Variants in DBF4B observed in about 807,000 individuals in gnomAD.
DBF4B encodes the protein DBF4B-CDC7 kinase regulatory subunit, also known as protein DBF4 homolog B.
Under a neutral mutation model 53.4 loss-of-function variants are expected in DBF4B, and 49 were observed. That is an observed-to-expected ratio of 0.92 (90% CI 0.73 to 1.16). The LOEUF is 1.16. Among genes scored for constraint, DBF4B ranks in the 50% most tolerant of loss-of-function variants. The pLI, the probability that DBF4B is intolerant of heterozygous loss-of-function variation, is 0.00. For synonymous variants in DBF4B, 257 were observed against 288.7 expected, an observed-to-expected ratio of 0.89 and a Z score of 1.11; for missense variants, 692 against 775.0, an observed-to-expected ratio of 0.89 and a Z score of 1.27.
Position 44,751,414 on chromosome 17 carries a change from G to A in DBF4B, c.*161G>A. On this transcript the variant is annotated 3_prime_UTR_variant, in exon 14 of 14. Coordinates refer to ENST00000315005, the MANE Select transcript of DBF4B (RefSeq NM_145663.3). ...CAGATGACTTTTACCCAGACCCAGT[G>A]GGCATTGCCTTATCTTGCAGTCAGT... 3 of 1,430,406 alleles carry A rather than the reference G, an allele frequency of 2.1e-6. No individual in the cohort carries two copies. The highest frequency in any genetic ancestry group is 9.1e-7 in the Non-Finnish European group (1 of 1,097,954). 88.6% of individuals were successfully genotyped at this position (1,430,406 alleles called of 1,614,324 possible).
intron 2 of DBF4B, among the ~76,000 whole-genome samples, chr17:44,711,816 G>A (rs1242336445): frequency 6.6e-6 from 1 of 151,594 alleles, no homozygotes; most frequent in African/African-American, 2.4e-5. Flanking sequence ...GGCACCTGTA[G>A]TCCCAGCTAC....
rs866444862 is a variant in DBF4B at position 44,751,321 on chromosome 17, C to T, written c.*68C>T. The stretch of plus-strand genomic sequence containing the variant: ...GTGCTGCTTGATGTGAATGAGGTCC[C>T]GCAGTGGCTCCTTGGCGTGAGCACT... On this transcript the variant is annotated 3_prime_UTR_variant, in exon 14 of 14. Transcript: ENST00000315005. 1.8e-5 allele frequency: 28 copies of T among 1,538,358 alleles called. No individual in the cohort carries two copies. In the Middle Eastern group the frequency reaches 1.4e-3, roughly 79 times the overall value.
At chr17:44,720,423 C>A (rs1353412820) in intron 2 of DBF4B, 2 of 231,718 alleles carry the variant, frequency 8.6e-6, no homozygotes, top group South Asian at 7.1e-5. Flanking sequence ...CATAGCAGAT[C>A]GGGAATATCT....
At chr17:44,732,865 CA>C (rs750138148) in intron 6 of DBF4B, 340 of 127,686 alleles carry the variant, frequency 2.7e-3, no homozygotes, top group Middle Eastern at 4.3e-3. Flanking sequence ...GACTCCGTCT[CA>C]AAAAAAAAAA....
chr17:44,725,684 C>CTTTTTTTTTTCTTTT (rs1974256924), intron 3 of DBF4B, among the ~76,000 whole-genome samples: 1 of 87,662 alleles, frequency 1.1e-5, no homozygotes, highest in Non-Finnish European at 2.3e-5. Flanking sequence ...TTTTGTGCTT[C>CTTTTTTTTTTCTTTT]TTTTTTTTTT....
chr17:44,721,828 G>T (rs1973874495), intron 2 of DBF4B, among the ~76,000 whole-genome samples: 1 of 151,246 alleles, frequency 6.6e-6, no homozygotes, highest in Admixed American at 6.7e-5. Context: ...GGGATTGGAG[G>T]TTGCATAGAA....
rs544594688 is a variant in DBF4B at position 44,752,104 on chromosome 17, C to T, written c.*851C>T. 88 of 1,044,150 alleles carry T rather than the reference C, an allele frequency of 8.4e-5. No individual in the cohort carries two copies. In the South Asian group the frequency reaches 1.1e-3, roughly 13 times the overall value. 64.7% of individuals were successfully genotyped at this position (1,044,150 alleles called of 1,614,324 possible). A position where few individuals can be genotyped will look rare whatever the true frequency, so the allele number is the denominator to read the frequency against. On this transcript the variant is annotated 3_prime_UTR_variant, in exon 14 of 14. Coordinates refer to ENST00000315005, the MANE Select transcript of DBF4B (RefSeq NM_145663.3). ...ACCGATTGGTAGCTCCACCCCAACT[C>T]CCTTCTGCTGGGTGGAATGCAGGAG... is the stretch of plus-strand genomic sequence containing the variant.
chr17:44,731,013 C>G lies in DBF4B; in HGVS notation c.466C>G (p.Gln156Glu). The change falls in exon 5 of 14, where the codon CAG becomes GAG. Residue 156 changes from glutamine to glutamate, a missense_variant and splice_region_variant. Around this residue, in one of 3 missense-constraint regions of DBF4B, gnomAD observed 597 missense variants for 665.8 expected, o/e 0.90. Transcript: ENST00000315005. ...GCTGCTGCAGAAGGCTATCAGAAAC[C>G]AGGTGAGCTGGGGCAAGATGGGACA... ...KELLQKAIRN[Q>E]GSISGGGSGG... is the part of the protein sequence containing the mutation. 6.2e-7 allele frequency: 1 copy of G among 1,614,036 alleles called. No individual in the cohort carries two copies. The highest frequency in any genetic ancestry group is 8.5e-7 in the Non-Finnish European group (1 of 1,179,936).
Position 44,752,099 on chromosome 17 carries a change from C to A in DBF4B, c.*846C>A. On this transcript the variant is annotated 3_prime_UTR_variant, in exon 14 of 14. Coordinates refer to ENST00000315005, the MANE Select transcript of DBF4B (RefSeq NM_145663.3). ...ATGTGACCGATTGGTAGCTCCACCC[C>A]AACTCCCTTCTGCTGGGTGGAATGC... The A allele has an allele frequency of 9.3e-7, 1 of 1,071,968 alleles. No homozygotes were observed. The highest frequency in any genetic ancestry group is 1.4e-6 in the Non-Finnish European group (1 of 726,580). 66.4% of individuals were successfully genotyped at this position (1,071,968 alleles called of 1,614,324 possible).
intron 3 of DBF4B, among the ~76,000 whole-genome samples, chr17:44,723,424 G>A (rs1435992883): frequency 6.6e-6 from 1 of 151,988 alleles, no homozygotes; most frequent in Non-Finnish European, 1.5e-5. Flanking sequence ...TATTTTCAGC[G>A]GTCTCACTAC....
intron 11 of DBF4B, 51 bp from the exon 12 acceptor site, chr17:44,747,340 C>G (rs905035698): frequency 4.6e-5 from 74 of 1,608,878 alleles, no homozygotes; most frequent in Non-Finnish European, 6.0e-5. Flanking sequence ...TCCGTGTCCC[C>G]CTCCCCCCAG....
intron 6 of DBF4B, 58 bp downstream of exon 6, chr17:44,732,323 G>A: frequency 1.3e-6 from 2 of 1,575,820 alleles, no homozygotes; most frequent in Non-Finnish European, 1.7e-6. Flanking sequence ...GACCAGGAGT[G>A]TCAGCTTTTA....
At chr17:44,727,122 A>C (rs1315738501) in intron 3 of DBF4B, among the ~76,000 whole-genome samples, 2 of 106,440 alleles carry the variant, frequency 1.9e-5, no homozygotes, top group African/African-American at 3.3e-5. Context: ...AAAAAAAAAA[A>C]CCATATATAT....
chr17:44,713,078 C>T (rs1335382913), intron 2 of DBF4B, among the ~76,000 whole-genome samples: 4 of 123,156 alleles, frequency 3.2e-5, no homozygotes, highest in Admixed American at 2.0e-4. Context: ...CTTGCTCTGT[C>T]GCCCAGGCTG....
chr17:44,731,880 C>T, intron 5 of DBF4B: 1 of 316,522 alleles, frequency 3.2e-6, no homozygotes. Flanking sequence ...TCGCAGAGGC[C>T]CTCCCAACGA....
At chr17:44,709,279 G>A (rs1434647040) in intron 1 of DBF4B, 25 bp from the exon 2 acceptor site, 3 of 1,613,954 alleles carry the variant, frequency 1.9e-6, no homozygotes, top group Non-Finnish European at 2.5e-6. Flanking sequence ...GAAGATGGTT[G>A]AGTTGCTGTT....
chr17:44,721,225 CT>C (rs1254012109), intron 2 of DBF4B, among the ~76,000 whole-genome samples: 1,527 of 136,078 alleles, frequency 0.011, 18 homozygotes, highest in Non-Finnish European at 0.017. Context: ...TTCCCCCCCC[CT>C]CCCCTTTTTT....
chr17:44,725,684 CT>C lies in DBF4B; in HGVS notation c.225+2682del, dbSNP rs68091397. 3.2e-3 allele frequency among the ~76,000 whole-genome samples: 282 copies of C among 87,640 alleles called. 7 individuals are homozygous for C. The highest frequency in any genetic ancestry group is 4.7e-3 in the African/African-American group (98 of 20,858). 57.5% of individuals were successfully genotyped at this position (87,640 alleles called of 152,430 possible). On this transcript the variant is annotated intron_variant, in intron 3 of 13. Transcript: ENST00000315005. ...ATCCTGCCTTTGTTTTTTTGTGCTTCTTTTTTTTTTTTTTTTTTTTAAGAGG... is the reference window on the plus strand; with the variant it reads ...ATCCTGCCTTTGTTTTTTTGTGCTTCTTTTTTTTTTTTTTTTTTTAAGAGG...
chr17:44,713,034 C>CTTTTT (rs979925867), intron 2 of DBF4B, among the ~76,000 whole-genome samples: 10 of 103,880 alleles, frequency 9.6e-5, no homozygotes, highest in South Asian at 3.2e-4. Flanking sequence ...TTTGTATTGA[C>CTTTTT]TTTTTTTTTT....
Sources: gnomAD v4.1 joint callset for allele counts (sites outside exome capture counted in the v4.1 genomes callset) on GRCh38, gnomAD v4.1.1 for gene constraint, gnomAD v4.1.1 regional missense constraint, MANE v1.5 for transcripts, NCBI Gene and HGNC (gene_info 2026-07-23, HGNC 2026-07-21) for gene names.